ECM1: variants seen among roughly 807,000 people sequenced by gnomAD.
ECM1 encodes extracellular matrix protein 1, also known as secretory component p85.
A neutral mutation model predicts 57.9 loss-of-function variants in ECM1; 54 were observed. That is an observed-to-expected ratio of 0.93 (90% CI 0.75 to 1.17). The LOEUF (loss-of-function observed/expected upper bound fraction) is 1.17. ECM1 is among the 50% of genes most tolerant of loss of function. The pLI, the probability that ECM1 is intolerant of heterozygous loss-of-function variation, is 0.00. For synonymous variants in ECM1, 237 were observed against 259.1 expected, an observed-to-expected ratio of 0.91 and a Z score of 0.82; for missense variants, 649 against 688.1, an observed-to-expected ratio of 0.94 and a Z score of 0.64.
chr1:150,508,213 G>A lies in ECM1; in HGVS notation c.4G>A (p.Gly2Arg). The A allele has an allele frequency of 6.2e-7, 1 of 1,614,106 alleles. No homozygotes were observed. Among genetic ancestry groups the A allele is most frequent in the Non-Finnish European group, 8.5e-7 (1 of 1,180,040 alleles). ...TCCAGTGGTCAGTTGCCCCAGGATG[G>A]GGACCACAGCCAGAGCAGCCTTGGT... M[G>R]TTARAALVLT... Residue 2 changes from glycine (G) to arginine (R), a missense_variant, in exon 1 of 10, where the codon GGG (glycine) becomes AGG (arginine). By Grantham distance (125) the Gly-to-Arg change is moderately radical. Transcript: ENST00000369047.
intron 6 of ECM1, 105 bp downstream of exon 6, chr1:150,511,303 C>T (rs758497751): frequency 4.2e-5 from 66 of 1,582,360 alleles, no homozygotes; most frequent in Non-Finnish European, 5.5e-5. Context: ...CCTCAGGTCC[C>T]GTTCACTGGC....
rs970009151 is a variant in ECM1 at position 150,513,407 on chromosome 1, G to A, written c.1563G>A (p.Gly521=). ...SGDTENAKGQ[G]EQGSTGGTNI... ...ACACTGAGAACGCCAAGGGCCAGGG[G>A]GAGCAGGGCTCAACTGGAGGAACAA... is the stretch of plus-strand genomic sequence containing the variant. The change falls in exon 10 of 10, where the codon GGG becomes GGA. Residue 521 remains glycine, a synonymous_variant. Transcript: ENST00000369047. The A allele has an allele frequency of 6.8e-6, 11 of 1,614,044 alleles. No individual in the cohort carries two copies. The highest frequency in any genetic ancestry group is 9.3e-6 in the Non-Finnish European group (11 of 1,180,044).
chr1:150,513,175 C>G, intron 9 of ECM1, 62 bp from the exon 10 acceptor site: 1 of 1,546,020 alleles, frequency 6.5e-7, no homozygotes, highest in Admixed American at 1.7e-5. Flanking sequence ...ACCCAAGTAT[C>G]TACATCTGTC....
intron 9 of ECM1, 136 bp downstream of exon 9, chr1:150,512,948 C>T: frequency 9.4e-7 from 1 of 1,061,634 alleles, no homozygotes. Context: ...GTGTTTTTTT[C>T]TTGGTTCCAG....
At chr1:150,510,329 C>T (rs1266894037) in intron 5 of ECM1, 147 bp downstream of exon 5, 1 of 757,594 alleles carries the variant, frequency 1.3e-6, no homozygotes, top group African/African-American at 1.8e-5. Context: ...GCCTTTGTTT[C>T]TTCATCTGTA....
At position 150,511,569 on chromosome 1, in the gene ECM1, C is replaced by G; in HGVS notation, c.821C>G (p.Ala274Gly). The change falls in exon 7 of 10, where the codon GCT becomes GGT. Residue 274 changes from alanine to glycine, a missense_variant. Transcript: ENST00000369047. ...EARFSCFQEE[A>G]PQPHYQLRAC... The stretch of plus-strand genomic sequence containing the variant: ...CGGTTCTCCTGCTTCCAGGAGGAAG[C>G]TCCCCAGCCACACTACCAGCTCCGG... The G allele has an allele frequency of 6.2e-7, 1 of 1,614,156 alleles. No individual in the cohort carries two copies. Among genetic ancestry groups the G allele is most frequent in the Non-Finnish European group, 8.5e-7 (1 of 1,180,020 alleles).
At position 150,511,585 on chromosome 1, in the gene ECM1, C is replaced by T. The variant is rs1353300436; in HGVS notation, c.837C>T (p.Tyr279=). Residue 279 remains tyrosine, a synonymous_variant, in exon 7 of 10, where the codon TAC becomes TAT. Transcript: ENST00000369047. Reference sequence around the variant, plus strand: ...AGGAGGAAGCTCCCCAGCCACACTACCAGCTCCGGGCCTGCCCCAGCCATC... The same window carrying T: ...AGGAGGAAGCTCCCCAGCCACACTATCAGCTCCGGGCCTGCCCCAGCCATC... ...CFQEEAPQPH[Y]QLRACPSHQP... 1 of 1,614,214 alleles carries T rather than the reference C, an allele frequency of 6.2e-7. No individual in the cohort carries two copies. The highest frequency in any genetic ancestry group is 1.7e-5 in the Admixed American group (1 of 60,028).
chr1:150,513,119 G>A, intron 9 of ECM1, 118 bp from the exon 10 acceptor site: 1 of 1,096,704 alleles, frequency 9.1e-7, no homozygotes, highest in Admixed American at 2.0e-5. Context: ...CCCAGGAGGG[G>A]AACGAGGGAG....
Position 150,510,173 on chromosome 1 carries a change from C to T in ECM1, c.376C>T (p.Gln126Ter). 6.2e-7 allele frequency: 1 copy of T among 1,614,020 alleles called. No individual in the cohort carries two copies. The highest frequency in any genetic ancestry group is 1.1e-5 in the South Asian group (1 of 91,074). Residue 126 changes from glutamine (Q) to a stop codon, truncating the protein, a stop_gained, in exon 5 of 10, where the codon CAG becomes TAG. Coordinates refer to ENST00000369047, the MANE Select transcript of ECM1 (RefSeq NM_004425.4). LOFTEE classifies it high-confidence loss of function. ...GCCCTCTCTCCAGCACCCCAATGAA[C>T]AGAAGGAAGGTAAGCAGCTCCCTCT... The part of the protein sequence containing the change: ...ELPSLQHPNE[Q>*]KEGTPAPFGD...
In ECM1 at chr1:150,513,143, C is replaced by T; in HGVS notation, c.1393-94C>T. Reference sequence around the variant, plus strand: ...GGAACGAGGGAGAGAGCAGTAGAAGCTGATGAAAGGGGGACTTTGGCACCC... The same window carrying T: ...GGAACGAGGGAGAGAGCAGTAGAAGTTGATGAAAGGGGGACTTTGGCACCC... On this transcript the variant is annotated intron_variant, in intron 9 of 9. Transcript: ENST00000369047. 1.1e-5 allele frequency: 15 copies of T among 1,315,382 alleles called. 1 individual carries two copies. In the South Asian group the frequency reaches 1.7e-4, roughly 15 times the overall value. The allele number at this position is 1,315,382 out of a possible 1,614,324, so 81.5% of individuals were successfully genotyped here.
At chr1:150,510,056 ACCAGGCTGATC>A in intron 4 of ECM1, 35 bp from the exon 5 acceptor site, 1 of 1,613,804 alleles carries the variant, frequency 6.2e-7, no homozygotes, top group Non-Finnish European at 8.5e-7. Flanking sequence ...TCCTGTTGAC[ACCAGGCTGATC>A]CCTGCTCCTT....
In ECM1 at chr1:150,513,297, C is replaced by G; in HGVS notation, c.1453C>G (p.Leu485Val). ...ACGTAACATCTGGCGAGACCCTGCCCTCTGCTGTTACCTGAGTCCTGGGGA... is the reference window on the plus strand; with the variant it reads ...ACGTAACATCTGGCGAGACCCTGCCGTCTGCTGTTACCTGAGTCCTGGGGA... ...PRRNIWRDPA[L>V]CCYLSPGDEQ... Residue 485 changes from leucine (L) to valine (V), a missense_variant, in exon 10 of 10, where the codon CTC (leucine) becomes GTC (valine). Physicochemically the swap from Leu to Val is conservative, Grantham distance 32 (BLOSUM62 1). Transcript: ENST00000369047. 1 of 1,614,262 alleles carries G rather than the reference C, an allele frequency of 6.2e-7. No homozygotes were observed. Among genetic ancestry groups the G allele is most frequent in the Non-Finnish European group, 8.5e-7 (1 of 1,180,046 alleles).
In ECM1 at chr1:150,509,680, C is replaced by CA; in HGVS notation, c.141_142insA (p.Ser48IlefsTer14). On this transcript the variant is annotated frameshift_variant, in exon 3 of 10. Transcript: ENST00000369047. LOFTEE classifies it high-confidence loss of function. The stretch of plus-strand genomic sequence containing the variant: ...TTCTAGTTGGCTACGCAGCTCCCCC[C>CA]TCCCCACCCCTATCCCGAAGCCTCC... 3 of 1,613,210 alleles carry CA rather than the reference C, an allele frequency of 1.9e-6. No individual in the cohort carries two copies. The highest frequency in any genetic ancestry group is 1.7e-6 in the Non-Finnish European group (2 of 1,179,228).
At position 150,511,617 on chromosome 1, in the gene ECM1, A is replaced by G. The variant is rs368554930; in HGVS notation, c.869A>G (p.Asp290Gly). 41 of 1,614,072 alleles carry G rather than the reference A, an allele frequency of 2.5e-5. No homozygotes were observed. In the South Asian group the frequency reaches 3.0e-4, roughly 12 times the overall value. ...CGGGCCTGCCCCAGCCATCAGCCTG[A>G]TATTTCCTCGGGTCTTGAGCTGCCT... ...QLRACPSHQP[D>G]ISSGLELPFP... The change falls in exon 7 of 10, where the codon GAT (aspartate) becomes GGT (glycine). Residue 290 changes from aspartate to glycine, a missense_variant. Physicochemically the swap from Asp to Gly is moderately conservative, Grantham distance 94. Transcript: ENST00000369047.
chr1:150,512,460 C>G lies in ECM1; in HGVS notation c.1192C>G (p.Arg398Gly), dbSNP rs758198816. The change falls in exon 8 of 10, where the codon CGT becomes GGT. Residue 398 changes from arginine (R) to glycine (G), a missense_variant. Coordinates refer to ENST00000369047, the MANE Select transcript of ECM1 (RefSeq NM_004425.4). The stretch of plus-strand genomic sequence containing the variant: ...CCCTACTCGGGATGAGTGCTTTGCC[C>G]GTCGGGCTCCTTACCCCAACTATGA... ...PSPTRDECFARRAPYPNYDRD... is the reference protein window; with the variant it reads ...PSPTRDECFAGRAPYPNYDRD... 1.2e-6 allele frequency: 2 copies of G among 1,613,738 alleles called. No individual in the cohort carries two copies. Among genetic ancestry groups the G allele is most frequent in the Non-Finnish European group, 1.7e-6 (2 of 1,180,002 alleles).
Position 150,509,998 on chromosome 1 carries a change from G to T in ECM1, c.300G>T (p.Lys100Asn), listed in dbSNP as rs774545220. The T allele has an allele frequency of 6.2e-6, 10 of 1,614,126 alleles. No homozygotes were observed. The Admixed American group carries it at 1.2e-4, about 19-fold the overall frequency. ...KLLPAQLPAEKEVGPPLPQEA... is the reference protein window; with the variant it reads ...KLLPAQLPAENEVGPPLPQEA... Reference sequence around the variant, plus strand: ...TACCTGCCCAACTCCCTGCTGAAAAGGAAGGTGAGCGCTTGCCCACCCTCC... The same window carrying T: ...TACCTGCCCAACTCCCTGCTGAAAATGAAGGTGAGCGCTTGCCCACCCTCC... The change falls in exon 4 of 10, where the codon AAG (lysine) becomes AAT (asparagine). Residue 100 changes from lysine (K) to asparagine (N), a missense_variant. Transcript: ENST00000369047.
chr1:150,512,552 C>T lies in ECM1; in HGVS notation c.1284C>T (p.Asn428=). The T allele has an allele frequency of 6.2e-7, 1 of 1,613,594 alleles. No individual in the cohort carries two copies. The highest frequency in any genetic ancestry group is 1.1e-5 in the South Asian group (1 of 91,074). ...TPNLMGHLCG[N]QRVLTKHKHI... is the part of the protein sequence containing the mutation. ...ACCTCATGGGCCACCTCTGTGGAAA[C>T]CAAAGAGTTCTCACCAAGCAGTAAG... Residue 428 remains asparagine (N), a synonymous_variant, in exon 8 of 10, where the codon AAC becomes AAT. Coordinates refer to ENST00000369047, the MANE Select transcript of ECM1 (RefSeq NM_004425.4).
At chr1:150,509,464 C>T (rs587717477) in intron 1 of ECM1, 67 bp from the exon 2 acceptor site, 1 of 1,565,846 alleles carries the variant, frequency 6.4e-7, no homozygotes, top group South Asian at 1.1e-5. Flanking sequence ...CCACAGCCTC[C>T]CCATCCCTTG....
intron 5 of ECM1, 93 bp downstream of exon 5, chr1:150,510,275 A>G (rs1670403124): frequency 3.4e-6 from 4 of 1,177,004 alleles, no homozygotes; most frequent in African/African-American, 1.5e-5. Flanking sequence ...GGGCTCTGCC[A>G]CTCACCAGTT....
Sources: allele counts gnomAD v4.1 joint callset, GRCh38; gene constraint gnomAD v4.1.1; transcripts MANE v1.5; gene names NCBI Gene and HGNC (gene_info 2026-07-23, HGNC 2026-07-21).